CNBD1: variants seen among roughly 807,000 people sequenced by gnomAD.
The protein encoded by CNBD1 is cyclic nucleotide binding domain containing 1.
A neutral mutation model predicts 54.4 loss-of-function variants in CNBD1; 71 were observed. The observed-to-expected ratio is 1.30, with a 90% CI of 1.08 to 1.59. The LOEUF (loss-of-function observed/expected upper bound fraction) is 1.59, where lower values mean the gene tolerates loss of function less well. Among genes scored for constraint, CNBD1 ranks in the 40% most tolerant of loss-of-function variants. CNBD1 has a pLI of 0.00. For synonymous variants in CNBD1, 182 were observed against 170.7 expected (o/e 1.07, Z -0.51); for missense variants, 659 against 518.0 (o/e 1.27, Z -2.64).
At chr8:87,248,787 A>C (rs1462434319) in intron 6 of CNBD1, among the ~76,000 whole-genome samples, 1 of 152,096 alleles carries the variant, frequency 6.6e-6, no homozygotes, top group Non-Finnish European at 1.5e-5. Context: ...TTCCAGTGAC[A>C]TTTGGTTTTT....
In CNBD1 at chr8:87,157,927, G is replaced by C. The variant is rs528979745; in HGVS notation, c.432-48066G>C. Among the ~76,000 whole-genome samples the C allele has an allele frequency of 3.9e-5, 6 of 152,254 alleles. No homozygotes were observed. In the South Asian group the frequency reaches 1.0e-3, roughly 26 times the overall value. On this transcript the variant is annotated intron_variant, in intron 4 of 10. Transcript: ENST00000518476. ...AAAGAGAACCCACATATTCTTGTCA[G>C]TAGCATGGGCTTTGGAGTCAGGCGA...
intron 4 of CNBD1, among the ~76,000 whole-genome samples, chr8:87,085,516 T>A (rs1364921311): frequency 6.6e-6 from 1 of 152,144 alleles, no homozygotes; most frequent in Non-Finnish European, 1.5e-5. Flanking sequence ...AGTCAGAAGT[T>A]GAGCTAGTTT....
At chr8:86,983,244 C>G (rs1309597298) in intron 4 of CNBD1, among the ~76,000 whole-genome samples, 1 of 152,172 alleles carries the variant, frequency 6.6e-6, no homozygotes, top group Non-Finnish European at 1.5e-5. Context: ...TGCACAATCT[C>G]TCTTCTCTTG....
Position 86,962,899 on chromosome 8 carries a change from A to G in CNBD1, c.431+23145A>G, listed in dbSNP as rs1233031069. ...TGGGTTCCCTTCCCCTGAGACATGGAGTGCTTTGACCCTGGAGTCCTGTGA... is the reference window on the plus strand; with the variant it reads ...TGGGTTCCCTTCCCCTGAGACATGGGGTGCTTTGACCCTGGAGTCCTGTGA... On this transcript the variant is annotated intron_variant, in intron 4 of 10. Transcript: ENST00000518476. 2.0e-5 allele frequency among the ~76,000 whole-genome samples: 3 copies of G among 152,186 alleles called. No homozygotes were observed. In the East Asian group the frequency reaches 5.8e-4, roughly 29 times the overall value.
At chr8:87,386,917 A>C (rs1811201183), downstream of CNBD1, among the ~76,000 whole-genome samples, 1 of 152,252 alleles carries the variant, frequency 6.6e-6, no homozygotes, top group Non-Finnish European at 1.5e-5. Context: ...TCTCAGCAGA[A>C]ACTCTGCAAG....
chr8:86,902,881 T>C (rs1349804898), intron 2 of CNBD1, among the ~76,000 whole-genome samples: 1 of 152,128 alleles, frequency 6.6e-6, no homozygotes, highest in Non-Finnish European at 1.5e-5. Context: ...CAGCTACTTC[T>C]ATATTCCATA....
At chr8:87,144,893 A>G (rs1276481273) in intron 4 of CNBD1, among the ~76,000 whole-genome samples, 1 of 152,002 alleles carries the variant, frequency 6.6e-6, no homozygotes, top group Non-Finnish European at 1.5e-5. Context: ...AAAATGGATG[A>G]TAGAGTTTTG....
At chr8:87,336,015 A>G (rs1187109332) in intron 8 of CNBD1, among the ~76,000 whole-genome samples, 2 of 152,172 alleles carry the variant, frequency 1.3e-5, no homozygotes, top group African/African-American at 4.8e-5. Flanking sequence ...AAGAATGTTG[A>G]ATATTGGCCC....
chr8:87,222,228 G>T (rs1814355145), intron 5 of CNBD1, among the ~76,000 whole-genome samples: 1 of 152,092 alleles, frequency 6.6e-6, no homozygotes, highest in Admixed American at 6.6e-5. Context: ...AAAAAAAAGA[G>T]TTGATCTTCA....
intron 3 of CNBD1, among the ~76,000 whole-genome samples, chr8:86,920,985 A>G (rs558536020): frequency 6.6e-6 from 1 of 152,292 alleles, no homozygotes; most frequent in African/African-American, 2.4e-5. Context: ...GAAAATGTTC[A>G]AAAGTAAAGA....
intron 4 of CNBD1, among the ~76,000 whole-genome samples, chr8:87,140,183 G>A (rs1232343285): frequency 6.6e-6 from 1 of 151,978 alleles, no homozygotes; most frequent in Non-Finnish European, 1.5e-5. Flanking sequence ...TTTATATTGT[G>A]TATGTTAAAT....
intron 5 of CNBD1, among the ~76,000 whole-genome samples, chr8:87,226,627 C>G (rs1814500167): frequency 6.6e-6 from 1 of 151,336 alleles, no homozygotes; most frequent in South Asian, 2.1e-4. Context: ...AATTTCTGTT[C>G]TTTTGCATTT....
intron 4 of CNBD1, among the ~76,000 whole-genome samples, chr8:87,191,971 T>C (rs1813619074): frequency 6.6e-6 from 1 of 152,200 alleles, no homozygotes; most frequent in Non-Finnish European, 1.5e-5. Flanking sequence ...AAAATTTATA[T>C]AACATTACCA....
intron 4 of CNBD1, among the ~76,000 whole-genome samples, chr8:86,958,836 T>C (rs549161094): frequency 6.6e-6 from 1 of 152,352 alleles, no homozygotes; most frequent in South Asian, 2.1e-4. Context: ...ACATTTAAGA[T>C]TAATATTGTT....
intron 1 of CNBD1, among the ~76,000 whole-genome samples, chr8:86,875,258 G>A (rs563600808): frequency 5.3e-5 from 8 of 151,854 alleles, no homozygotes; most frequent in East Asian, 1.9e-4. Flanking sequence ...CTCACACCTC[G>A]CAGCTGTCCT....
intron 4 of CNBD1, among the ~76,000 whole-genome samples, chr8:87,188,504 T>C (rs900544091): frequency 6.6e-6 from 1 of 152,086 alleles, no homozygotes; most frequent in African/African-American, 2.4e-5. Context: ...CCAAGGTGTG[T>C]GGATCACCTG....
At chr8:87,288,391 A>G (rs1171425917) in intron 8 of CNBD1, among the ~76,000 whole-genome samples, 4 of 152,024 alleles carry the variant, frequency 2.6e-5, no homozygotes, top group Non-Finnish European at 4.4e-5. Context: ...ATAAAAATAT[A>G]ATATCCAATC....
At chr8:87,317,404 T>A (rs528216800) in intron 8 of CNBD1, among the ~76,000 whole-genome samples, 1 of 151,870 alleles carries the variant, frequency 6.6e-6, no homozygotes, top group Non-Finnish European at 1.5e-5. Context: ...TCAAAATGCC[T>A]TCCAGTTTTC....
chr8:87,046,243 G>A (rs1325347375), intron 4 of CNBD1, among the ~76,000 whole-genome samples: 2 of 152,066 alleles, frequency 1.3e-5, no homozygotes, highest in African/African-American at 4.8e-5. Flanking sequence ...CTCAAAAAGA[G>A]AAATACCAGC....
Sources: allele counts gnomAD v4.1 joint callset (sites outside exome capture counted in the v4.1 genomes callset), GRCh38; gene constraint gnomAD v4.1.1; transcripts MANE v1.5; gene names NCBI Gene and HGNC (gene_info 2026-07-23, HGNC 2026-07-21).